Variants in RYR2 observed in about 807,000 individuals in gnomAD.
RYR2 encodes the protein cardiac muscle ryanodine receptor-calcium release channel.
A neutral mutation model predicts 601.1 loss-of-function variants in RYR2; 227 were observed. The observed-to-expected ratio is 0.38, with a 90% CI of 0.34 to 0.42. RYR2 has a LOEUF of 0.42. Ranked by LOEUF, RYR2 falls within the 10% of genes least tolerant of loss-of-function variation. The probability of loss-of-function intolerance (pLI) is 1.00; values close to 1 mark genes in which losing one functional copy is unlikely to be tolerated. For synonymous variants in RYR2, 2,223 were observed against 2,175.1 expected (o/e 1.02, Z -0.61); for missense variants, 4,646 against 6,156.5 (o/e 0.75, Z 8.21).
In RYR2 at chr1:237,678,117, A is replaced by G. The variant is rs375788753; in HGVS notation, c.8895+5A>G. The stretch of plus-strand genomic sequence containing the variant: ...GAAATCAAGTTCTTTGCAAAAGTAC[A>G]GTATACAATCTATCTTGTTTTTGCT... On this transcript the variant is annotated splice_donor_5th_base_variant and intron_variant, in intron 61 of 104. Transcript: ENST00000366574. 1.6e-5 allele frequency: 24 copies of G among 1,538,528 alleles called. No homozygotes were observed. Among genetic ancestry groups the G allele is most frequent in the Non-Finnish European group, 2.0e-5 (22 of 1,114,584 alleles).
At chr1:237,548,357 C>T (rs1297042538) in intron 25 of RYR2, 74 bp from the exon 26 acceptor site, 52 of 1,490,360 alleles carry the variant, frequency 3.5e-5, no homozygotes, top group Admixed American at 9.7e-5. Flanking sequence ...TGAGGTAGGG[C>T]CAGAAAATGA....
chr1:237,081,386 TC>T (rs1166989915), intron 1 of RYR2, among the ~76,000 whole-genome samples: 2 of 150,722 alleles, frequency 1.3e-5, no homozygotes, highest in Admixed American at 6.6e-5. Flanking sequence ...TGCCCCTCAG[TC>T]CCCTTGTATG....
chr1:237,630,221 T>G (rs1048343107), intron 41 of RYR2, among the ~76,000 whole-genome samples: 2 of 152,136 alleles, frequency 1.3e-5, no homozygotes, highest in African/African-American at 4.8e-5. Flanking sequence ...CACAGAGAGA[T>G]TCTTAGTAAA....
At chr1:237,232,563 GT>G (rs1299345751) in intron 1 of RYR2, among the ~76,000 whole-genome samples, 1 of 152,082 alleles carries the variant, frequency 6.6e-6, no homozygotes, top group Non-Finnish European at 1.5e-5. Context: ...GTTTCTCTGA[GT>G]TTCGTGAGCC....
intron 1 of RYR2, among the ~76,000 whole-genome samples, chr1:237,221,669 G>T (rs1391435029): frequency 6.6e-6 from 1 of 152,182 alleles, no homozygotes; most frequent in African/African-American, 2.4e-5. Context: ...CGGAAGTCAA[G>T]TTAGTAGCTA....
intron 1 of RYR2, among the ~76,000 whole-genome samples, chr1:237,225,314 G>A (rs1178637723): frequency 2.0e-5 from 3 of 152,200 alleles, no homozygotes; most frequent in Admixed American, 1.3e-4. Flanking sequence ...TTTTCGCGCT[G>A]CTCATAAAGA....
rs143649058 is a variant in RYR2, at chr1:237,819,364, G to A, written c.14590+172G>A. 8.2e-4 allele frequency among the ~76,000 whole-genome samples: 125 copies of A among 152,264 alleles called. 1 individual carries two copies. In the East Asian group the frequency reaches 0.023, roughly 28 times the overall value. On this transcript the variant is annotated intron_variant, in intron 101 of 104. Coordinates refer to ENST00000366574, the MANE Select transcript of RYR2 (RefSeq NM_001035.3). The surrounding 1 kb of genome is among the most constrained non-coding windows in gnomAD (Gnocchi z 4.0). ...AATCTACCGGGGGAAATATAAAGCG[G>A]TATGGAACCCTGGTATGAAGGGAAG...
intron 1 of RYR2, among the ~76,000 whole-genome samples, chr1:237,208,173 A>G (rs1264028519): frequency 6.6e-6 from 1 of 152,244 alleles, no homozygotes; most frequent in African/African-American, 2.4e-5. Flanking sequence ...ATGAATTAAG[A>G]TATATGTTGC....
At chr1:237,388,519 T>C (rs1702123438) in intron 10 of RYR2, among the ~76,000 whole-genome samples, 1 of 152,218 alleles carries the variant, frequency 6.6e-6, no homozygotes, top group South Asian at 2.1e-4. Context: ...ATTTTCTTTT[T>C]AGAATGTTTA....
chr1:237,296,896 T>C lies in RYR2; in HGVS notation c.168+26280T>C, dbSNP rs1458091827. On this transcript the variant is annotated intron_variant, in intron 2 of 104. Transcript: ENST00000366574. ...TTATTGTCTAAATAAACTGAAACAA[T>C]GGGCTATTCATTTAATAGTGCATTA... 2.6e-5 allele frequency among the ~76,000 whole-genome samples: 4 copies of C among 152,142 alleles called. 1 individual carries two copies. Among genetic ancestry groups the C allele is most frequent in the Non-Finnish European group, 2.9e-5 (2 of 68,010 alleles).
chr1:237,450,013 G>A (rs910922092), intron 14 of RYR2, among the ~76,000 whole-genome samples: 1 of 152,112 alleles, frequency 6.6e-6, no homozygotes, highest in East Asian at 1.9e-4. Flanking sequence ...TCTGGGGCAA[G>A]TGATTCCCCA....
At chr1:237,415,016 G>A (rs1292717911) in intron 10 of RYR2, among the ~76,000 whole-genome samples, 1 of 152,116 alleles carries the variant, frequency 6.6e-6, no homozygotes, top group Non-Finnish European at 1.5e-5. Context: ...TCTTTTGGTT[G>A]TCACAGCTGG....
chr1:237,267,389 G>A (rs1387481911), intron 1 of RYR2, among the ~76,000 whole-genome samples: 2 of 152,082 alleles, frequency 1.3e-5, no homozygotes, highest in Non-Finnish European at 2.9e-5. Context: ...GCATGGTAGC[G>A]CTTGCCTATA....
chr1:237,687,964 A>C (rs1387475497), intron 63 of RYR2, among the ~76,000 whole-genome samples: 1 of 152,162 alleles, frequency 6.6e-6, no homozygotes, highest in African/African-American at 2.4e-5. Context: ...CGTCATAGTC[A>C]AGACACTGAA....
intron 10 of RYR2, among the ~76,000 whole-genome samples, chr1:237,398,956 G>T (rs555228321): frequency 6.6e-6 from 1 of 152,310 alleles, no homozygotes; most frequent in African/African-American, 2.4e-5. Context: ...CATTTTGGGA[G>T]GCCAAAGTCG....
rs550352702 is a variant in RYR2, at chr1:237,663,071, TA to T, written c.8436+2125del. 1.3e-3 allele frequency among the ~76,000 whole-genome samples: 205 copies of T among 152,334 alleles called. 2 individuals are homozygous for T. The highest frequency in any genetic ancestry group is 1.4e-3 in the Admixed American group (22 of 15,294). On this transcript the variant is annotated intron_variant, in intron 56 of 104. Coordinates refer to ENST00000366574, the MANE Select transcript of RYR2 (RefSeq NM_001035.3). ...TGGCCTGTAGGTGGGAAAGAAAGAA[TA>T]TTTCTATAAGCCTCAGAAATGGGGA...
At chr1:237,637,392 A>C (rs1212317913) in intron 44 of RYR2, among the ~76,000 whole-genome samples, 1 of 152,210 alleles carries the variant, frequency 6.6e-6, no homozygotes, top group Non-Finnish European at 1.5e-5. Flanking sequence ...TTCGTATAAA[A>C]CAAAAATATT....
intron 62 of RYR2, among the ~76,000 whole-genome samples, chr1:237,683,368 G>C (rs1254932543): frequency 1.1e-4 from 16 of 152,154 alleles, no homozygotes; most frequent in Non-Finnish European, 4.4e-5. Context: ...GTCGTGTCTG[G>C]AGTATACTTT....
At chr1:237,349,516 G>A (rs1319902304) in intron 3 of RYR2, among the ~76,000 whole-genome samples, 1 of 152,136 alleles carries the variant, frequency 6.6e-6, no homozygotes, top group Non-Finnish European at 1.5e-5. Context: ...ATGGCCAAAT[G>A]TAAATTAATG....
Sources: allele counts gnomAD v4.1 joint callset (sites outside exome capture counted in the v4.1 genomes callset), GRCh38; gene constraint gnomAD v4.1.1; non-coding constraint Gnocchi (gnomAD v3.1); transcripts MANE v1.5; gene names NCBI Gene and HGNC (gene_info 2026-07-23, HGNC 2026-07-21).